Variants in SLC35F1 observed in about 807,000 individuals in gnomAD.
SLC35F1 encodes solute carrier family 35 member F1.
A neutral mutation model predicts 48.7 loss-of-function variants in SLC35F1; 14 were observed. That is an observed-to-expected ratio of 0.29 (90% CI 0.19 to 0.45). The LOEUF (loss-of-function observed/expected upper bound fraction) is 0.45. Among genes scored for constraint, SLC35F1 ranks in the 20% least tolerant of loss-of-function variants. SLC35F1 has a pLI of 1.00. For synonymous variants in SLC35F1, 190 were observed against 202.2 expected (o/e 0.94, Z 0.51); for missense variants, 404 against 500.0 (o/e 0.81, Z 1.83).
intron 2 of SLC35F1, among the ~76,000 whole-genome samples, chr6:118,214,570 T>C (rs1351916987): frequency 6.6e-6 from 1 of 152,302 alleles, no homozygotes; most frequent in East Asian, 1.9e-4. Context: ...TATACCAGTA[T>C]AAGACAGAGA....
intron 4 of SLC35F1, among the ~76,000 whole-genome samples, chr6:118,268,946 G>A (rs116418393): frequency 0.015 from 2,342 of 152,064 alleles, 55 homozygotes; most frequent in African/African-American, 0.053. Flanking sequence ...TCAGCTTTCC[G>A]CACACTGTGT....
At position 117,935,875 on chromosome 6, in the gene SLC35F1, G is replaced by C. The variant is rs904389032; in HGVS notation, c.173+27976G>C. On this transcript the variant is annotated intron_variant, in intron 1 of 7. Coordinates refer to ENST00000360388, the MANE Select transcript of SLC35F1 (RefSeq NM_001029858.4). ...TGATCATGAAAGTGGCAAGAGTATT[G>C]AAATGGGGTTATAAATAAGTTTTAG... Among the ~76,000 whole-genome samples the C allele has an allele frequency of 4.6e-5, 7 of 152,304 alleles. No individual in the cohort carries two copies. In the East Asian group the frequency reaches 1.3e-3, roughly 29 times the overall value.
At chr6:118,175,084 G>A (rs995973519) in intron 2 of SLC35F1, among the ~76,000 whole-genome samples, 1 of 152,028 alleles carries the variant, frequency 6.6e-6, no homozygotes, top group African/African-American at 2.4e-5. Flanking sequence ...TTATGTACTG[G>A]CACAGGTCTC....
intron 4 of SLC35F1, among the ~76,000 whole-genome samples, chr6:118,270,208 A>G (rs1775833347): frequency 6.6e-6 from 1 of 152,196 alleles, no homozygotes; most frequent in Admixed American, 6.5e-5. Flanking sequence ...TGACTTCATT[A>G]TAATTAAAGC....
chr6:117,966,379 T>A (rs1201451336), intron 1 of SLC35F1, among the ~76,000 whole-genome samples: 1 of 149,382 alleles, frequency 6.7e-6, no homozygotes, highest in Non-Finnish European at 1.5e-5. Context: ...CTTTAAGAGC[T>A]GTAACACTCG....
intron 7 of SLC35F1, among the ~76,000 whole-genome samples, chr6:118,308,915 G>A (rs956255466): frequency 6.6e-6 from 1 of 152,106 alleles, no homozygotes; most frequent in Non-Finnish European, 1.5e-5. Flanking sequence ...CATGTCTTTT[G>A]AAGTTTAACA....
Position 118,314,312 on chromosome 6 carries a change from C to A in SLC35F1, c.*60C>A. 6.9e-7 allele frequency: 1 copy of A among 1,443,258 alleles called. No individual in the cohort carries two copies. The allele number at this position is 1,443,258 out of a possible 1,614,324, so 89.4% of individuals were successfully genotyped here. A position where few individuals can be genotyped will look rare whatever the true frequency, so the allele number is the denominator to read the frequency against. Reference sequence around the variant, plus strand: ...TTGGCCATGTTTTTGCCCATCATCTCTGTATTGTACATAGAGAAAGGTATT... The same window carrying A: ...TTGGCCATGTTTTTGCCCATCATCTATGTATTGTACATAGAGAAAGGTATT... On this transcript the variant is annotated 3_prime_UTR_variant, in exon 8 of 8. Transcript: ENST00000360388.
At position 117,980,325 on chromosome 6, in the gene SLC35F1, C is replaced by T. The variant is rs2114849693; in HGVS notation, c.173+72426C>T. Among the ~76,000 whole-genome samples the T allele has an allele frequency of 2.0e-5, 3 of 152,280 alleles. No homozygotes were observed. In the Middle Eastern group the frequency reaches 0.01, roughly 518 times the overall value. On this transcript the variant is annotated intron_variant, in intron 1 of 7. Coordinates refer to ENST00000360388, the MANE Select transcript of SLC35F1 (RefSeq NM_001029858.4). ...TGTAAGGGGTGGCAGGAGGTACAAG[C>T]ACCCTTGATTGTCTTTGAAGAAAGC... is the stretch of plus-strand genomic sequence containing the variant.
chr6:118,184,169 G>A (rs1582717530), intron 2 of SLC35F1, among the ~76,000 whole-genome samples: 1 of 152,132 alleles, frequency 6.6e-6, no homozygotes, highest in Non-Finnish European at 1.5e-5. Flanking sequence ...CATATACTAT[G>A]AGAGTGTCTC....
At chr6:118,203,944 TTA>T (rs1271701846) in intron 2 of SLC35F1, among the ~76,000 whole-genome samples, 1 of 152,100 alleles carries the variant, frequency 6.6e-6, no homozygotes, top group Non-Finnish European at 1.5e-5. Context: ...TCATGGAGAA[TTA>T]TATACTAGTG....
At chr6:118,256,993 T>A (rs2114609936) in intron 3 of SLC35F1, among the ~76,000 whole-genome samples, 1 of 152,310 alleles carries the variant, frequency 6.6e-6, no homozygotes, top group East Asian at 1.9e-4. Context: ...AATACTATGA[T>A]ATGTAGATGT....
chr6:118,265,257 C>A (rs1049303501), intron 3 of SLC35F1, among the ~76,000 whole-genome samples: 1 of 152,310 alleles, frequency 6.6e-6, no homozygotes, highest in South Asian at 2.1e-4. Flanking sequence ...CCTTTTCCAG[C>A]CTTCAGTGAA....
At chr6:118,148,260 A>T (rs1251256395) in intron 1 of SLC35F1, among the ~76,000 whole-genome samples, 1 of 152,216 alleles carries the variant, frequency 6.6e-6, no homozygotes, top group East Asian at 1.9e-4. Flanking sequence ...TAATTGTTTC[A>T]CTTTTGTGGC....
intron 1 of SLC35F1, among the ~76,000 whole-genome samples, chr6:117,915,666 C>A (rs1266930547): frequency 2.0e-5 from 3 of 152,120 alleles, no homozygotes; most frequent in Non-Finnish European, 4.4e-5. Context: ...GTCTTAGATG[C>A]TCTAATAAGC....
chr6:118,030,077 C>T (rs113575532), intron 1 of SLC35F1, among the ~76,000 whole-genome samples: 24 of 151,918 alleles, frequency 1.6e-4, no homozygotes, highest in African/African-American at 3.6e-4. Context: ...GGCTGATCAG[C>T]GAGAGATGAC....
At chr6:118,264,043 G>A (rs1200474705) in intron 3 of SLC35F1, among the ~76,000 whole-genome samples, 2 of 152,180 alleles carry the variant, frequency 1.3e-5, no homozygotes, top group African/African-American at 4.8e-5. Context: ...GTGACCTTGA[G>A]CACATCATTT....
chr6:117,908,838 C>T (rs1176551135), intron 1 of SLC35F1, among the ~76,000 whole-genome samples: 2 of 152,190 alleles, frequency 1.3e-5, no homozygotes, highest in African/African-American at 4.8e-5. Flanking sequence ...CCTTTCGATG[C>T]ATCTGTAGGG....
chr6:118,107,514 T>C (rs900896669), intron 1 of SLC35F1, among the ~76,000 whole-genome samples: 8 of 152,192 alleles, frequency 5.3e-5, no homozygotes, highest in African/African-American at 1.9e-4. Context: ...AAAGATTTTC[T>C]CCATTGTCCA....
At chr6:118,009,027 G>C (rs184703898) in intron 1 of SLC35F1, among the ~76,000 whole-genome samples, 2 of 152,120 alleles carry the variant, frequency 1.3e-5, no homozygotes, top group Non-Finnish European at 2.9e-5. Flanking sequence ...GTTGATACTC[G>C]TGTACTGTCG....
Sources: allele counts gnomAD v4.1 joint callset (sites outside exome capture counted in the v4.1 genomes callset), GRCh38; gene constraint gnomAD v4.1.1; transcripts MANE v1.5; gene names NCBI Gene and HGNC (gene_info 2026-07-23, HGNC 2026-07-21).